IST1: variants seen among roughly 807,000 people sequenced by gnomAD.
IST1 encodes the protein IST1 homolog.
IST1 carries 23 observed loss-of-function variants against 37.0 expected under a neutral mutation model. The observed-to-expected ratio is 0.62, with a 90% confidence interval of 0.45 to 0.88. IST1 has a LOEUF of 0.88. Among genes scored for constraint, IST1 ranks in the 40% least tolerant of loss-of-function variants. IST1 has a pLI of 0.00. For synonymous variants in IST1, 180 were observed against 161.7 expected, an observed-to-expected ratio of 1.11 and a Z score of -0.86; for missense variants, 488 against 445.4, an observed-to-expected ratio of 1.10 and a Z score of -0.86.
chr16:71,895,686 C>T (rs1567456764), intron 1 of IST1, 97 bp downstream of exon 1: 2 of 366,204 alleles, frequency 5.5e-6, no homozygotes, highest in Non-Finnish European at 7.6e-6. Context: ...GCCCGGGATT[C>T]AAACGACTTC....
chr16:71,928,880 A>ATG lies in IST1; in HGVS notation c.*1068_*1069dup, dbSNP rs1359007330. 1 of 152,110 alleles carries ATG rather than the reference A, an allele frequency of 6.6e-6. No homozygotes were observed. Among genetic ancestry groups the ATG allele is most frequent in the African/African-American group, 2.4e-5 (1 of 41,386 alleles). 9.4% of individuals were successfully genotyped at this position (152,110 alleles called of 1,614,324 possible). On this transcript the variant is annotated 3_prime_UTR_variant, in exon 10 of 10. Transcript: ENST00000378799. Reference sequence around the variant, plus strand: ...CCCACAGGGGTGGCTTTGGGATTGGATGATACAGCTTTTGCTTCTGTGTAG... The same window carrying ATG: ...CCCACAGGGGTGGCTTTGGGATTGGATGTGATACAGCTTTTGCTTCTGTGTAG...
Position 71,927,912 on chromosome 16 carries a change from C to G in IST1, c.*99C>G, listed in dbSNP as rs2143024219. Reference sequence around the variant, plus strand: ...CATGAAATTCTGTTTCATCTGTTAACCGTCACTCAGCACAACACTCCCTCT... The same window carrying G: ...CATGAAATTCTGTTTCATCTGTTAAGCGTCACTCAGCACAACACTCCCTCT... On this transcript the variant is annotated 3_prime_UTR_variant, in exon 10 of 10. Transcript: ENST00000378799. The G allele has an allele frequency of 1.2e-6, 1 of 863,536 alleles. No homozygotes were observed. Among genetic ancestry groups the G allele is most frequent in the South Asian group, 1.5e-5 (1 of 68,082 alleles). The allele number at this position is 863,536 out of a possible 1,614,324, so 53.5% of individuals were successfully genotyped here.
chr16:71,898,649 T>C (rs1394086469), intron 1 of IST1, among the ~76,000 whole-genome samples: 10 of 122,822 alleles, frequency 8.1e-5, no homozygotes, highest in African/African-American at 2.9e-4. Context: ...GGCCACAGAG[T>C]GAGACTCTGT....
At chr16:71,905,699 ACTTC>A (rs771744179) in intron 1 of IST1, among the ~76,000 whole-genome samples, 6 of 152,160 alleles carry the variant, frequency 3.9e-5, no homozygotes, top group Non-Finnish European at 8.8e-5. Flanking sequence ...TTCATAGGCT[ACTTC>A]CAGTCAATGT....
At chr16:71,906,737 C>CT (rs1471566698) in intron 1 of IST1, among the ~76,000 whole-genome samples, 1 of 152,122 alleles carries the variant, frequency 6.6e-6, no homozygotes, top group African/African-American at 2.4e-5. Context: ...GTTGACAGTT[C>CT]TTTTTTTTCA....
At chr16:71,918,221 A>G (rs1280166618) in intron 4 of IST1, among the ~76,000 whole-genome samples, 1 of 152,186 alleles carries the variant, frequency 6.6e-6, no homozygotes, top group Non-Finnish European at 1.5e-5. Flanking sequence ...CCAAAAATCT[A>G]TTTGATACAT....
At position 71,924,865 on chromosome 16, in the gene IST1, T is replaced by C. The variant is rs866589414; in HGVS notation, c.901+48T>C. ...CTGCAGAGCTCAGTGCTGAACCCTC[T>C]GCTGTTTTCTCATTATTGTTCCTCC... On this transcript the variant is annotated intron_variant, in intron 9 of 9. Coordinates refer to ENST00000378799, the MANE Select transcript of IST1 (RefSeq NM_001270975.2). The C allele has an allele frequency of 5.4e-6, 7 of 1,290,728 alleles. No individual in the cohort carries two copies. The Middle Eastern group carries it at 1.3e-3, about 238-fold the overall frequency. The allele number at this position is 1,290,728 out of a possible 1,614,324, so 80.0% of individuals were successfully genotyped here. A position where few individuals can be genotyped will look rare whatever the true frequency, so the allele number is the denominator to read the frequency against.
At chr16:71,901,306 C>A (rs559788910) in intron 1 of IST1, among the ~76,000 whole-genome samples, 6 of 152,038 alleles carry the variant, frequency 3.9e-5, no homozygotes, top group Non-Finnish European at 7.4e-5. Context: ...CTCCACCTCC[C>A]GGGTTCACGC....
chr16:71,922,820 T>A, intron 7 of IST1, 140 bp downstream of exon 7: 1 of 697,028 alleles, frequency 1.4e-6, no homozygotes, highest in Non-Finnish European at 2.4e-6. Flanking sequence ...AGTCATCTTG[T>A]GGGGAAAAAA....
chr16:71,927,918 C>G lies in IST1; in HGVS notation c.*105C>G, dbSNP rs1169772864. On this transcript the variant is annotated 3_prime_UTR_variant, in exon 10 of 10. Coordinates refer to ENST00000378799, the MANE Select transcript of IST1 (RefSeq NM_001270975.2). ...ATTCTGTTTCATCTGTTAACCGTCA[C>G]TCAGCACAACACTCCCTCTGGGCTC... 1 of 791,988 alleles carries G rather than the reference C, an allele frequency of 1.3e-6. No homozygotes were observed. Among genetic ancestry groups the G allele is most frequent in the Non-Finnish European group, 2.1e-6 (1 of 467,408 alleles). The allele number at this position is 791,988 out of a possible 1,614,324, so 49.1% of individuals were successfully genotyped here. A position where few individuals can be genotyped will look rare whatever the true frequency, so the allele number is the denominator to read the frequency against.
chr16:71,924,946 CA>C, intron 9 of IST1, 129 bp downstream of exon 9: 2 of 651,438 alleles, frequency 3.1e-6, no homozygotes, highest in Non-Finnish European at 2.7e-6. Context: ...GTTCTCTTCC[CA>C]AATGCTAAAA....
intron 1 of IST1, among the ~76,000 whole-genome samples, chr16:71,914,612 T>C (rs1287995478): frequency 6.6e-6 from 1 of 152,148 alleles, no homozygotes; most frequent in Non-Finnish European, 1.5e-5. Context: ...ACCTGGGACT[T>C]AGGTTAATTC....
upstream of IST1, chr16:71,894,629 G>C (rs2036927713): frequency 4.0e-6 from 2 of 502,844 alleles, no homozygotes; most frequent in South Asian, 4.5e-5. Flanking sequence ...GGGCTCAAGC[G>C]ATCTTCCTGC....
chr16:71,912,805 T>C (rs972064399), intron 1 of IST1, among the ~76,000 whole-genome samples: 1 of 152,220 alleles, frequency 6.6e-6, no homozygotes, highest in African/African-American at 2.4e-5. Context: ...CTACTTTCTG[T>C]TTCTCTGAAT....
chr16:71,894,716 T>TTTTTTTGCG, upstream of IST1: 2 of 557,206 alleles, frequency 3.6e-6, no homozygotes, highest in Admixed American at 3.5e-5. Context: ...TTTTTTTTTT[T>TTTTTTTGCG]GTAGCGATGC....
chr16:71,921,093 A>G, intron 5 of IST1: 1 of 599,688 alleles, frequency 1.7e-6, no homozygotes, highest in Non-Finnish European at 3.0e-6. Flanking sequence ...AGAAGGGTGG[A>G]TGAATTGAAC....
upstream of IST1, chr16:71,895,411 C>A: frequency 3.3e-6 from 2 of 602,952 alleles, no homozygotes; most frequent in Non-Finnish European, 4.2e-6. Context: ...TGCCCCGAGT[C>A]AGCGCGTGGG....
chr16:71,914,035 C>T (rs897273703), intron 1 of IST1, among the ~76,000 whole-genome samples: 21 of 151,580 alleles, frequency 1.4e-4, no homozygotes, highest in Middle Eastern at 6.9e-3. Context: ...CTCGAACTCC[C>T]GACCTCAGGT....
rs2036968550 is a variant in IST1 at position 71,896,230 on chromosome 16, G to T, written c.-16+641G>T. Among the ~76,000 whole-genome samples, 5 of 152,086 alleles carry T rather than the reference G, an allele frequency of 3.3e-5. No individual in the cohort carries two copies. The South Asian group carries it at 8.3e-4, about 25-fold the overall frequency. On this transcript the variant is annotated intron_variant, in intron 1 of 9. Transcript: ENST00000378799. ...TGCGCCTCTCCTCTTTGTTTTTCTC[G>T]GTGCTCTTCTTCCGGGGTGCTGGAG...
Sources: gnomAD v4.1 joint callset for allele counts (sites outside exome capture counted in the v4.1 genomes callset) on GRCh38, gnomAD v4.1.1 for gene constraint, MANE v1.5 for transcripts, NCBI Gene and HGNC (gene_info 2026-07-23, HGNC 2026-07-21) for gene names.